The following KLF3 variants were observed in gnomAD, a reference collection of about 807,000 sequenced individuals.
The protein encoded by KLF3 is KLF transcription factor 3, also known as Krueppel-like factor 3.
A neutral mutation model predicts 32.7 loss-of-function variants in KLF3; 6 were observed. The observed-to-expected ratio is 0.18, with a 90% CI of 0.10 to 0.36. The LOEUF (loss-of-function observed/expected upper bound fraction) is 0.36, where lower values mean the gene tolerates loss of function less well. KLF3 is among the 10% of genes least tolerant of loss of function. KLF3 has a pLI of 1.00. For missense variants in KLF3, 338 were observed against 449.7 expected (o/e 0.75, Z 2.25); for synonymous variants, 145 against 172.8 (o/e 0.84, Z 1.26).
Position 38,680,642 on chromosome 4 carries a change from C to G in KLF3, c.17C>G (p.Pro6Arg). 6.2e-7 allele frequency: 1 copy of G among 1,613,682 alleles called. No homozygotes were observed. Among genetic ancestry groups the G allele is most frequent in the Non-Finnish European group, 8.5e-7 (1 of 1,179,618 alleles). Residue 6 changes from proline (P) to arginine (R), a missense_variant, in exon 2 of 6, where the codon CCA (proline) becomes CGA (arginine). By Grantham distance (103) the Pro-to-Arg change is moderately radical (BLOSUM62 -2). Transcript: ENST00000261438. ...ACTAAAAGAATGCTCATGTTTGACC[C>G]AGTTCCTGTCAAGCAAGAGGCCATG... MLMFD[P>R]VPVKQEAMDP... is the part of the protein sequence containing the mutation.
At chr4:38,694,536 A>G (rs910874822) in intron 4 of KLF3, among the ~76,000 whole-genome samples, 2 of 152,216 alleles carry the variant, frequency 1.3e-5, no homozygotes, top group African/African-American at 4.8e-5. Context: ...GGTGCCAAGC[A>G]CAGTGCCTGG....
At chr4:38,681,769 T>C (rs1223473467) in intron 2 of KLF3, among the ~76,000 whole-genome samples, 1 of 152,116 alleles carries the variant, frequency 6.6e-6, no homozygotes, top group Non-Finnish European at 1.5e-5. Flanking sequence ...TGGCCCGAGG[T>C]GTGTATCTGA....
rs1340042228 is a variant in KLF3, at chr4:38,698,250, C to T, written c.*987C>T. ...TGCCCAGTAATGGTAAGAAATCTTTCGGGTAAGAGTATGGATGGTTCTTCT... is the reference window on the plus strand; with the variant it reads ...TGCCCAGTAATGGTAAGAAATCTTTTGGGTAAGAGTATGGATGGTTCTTCT... On this transcript the variant is annotated 3_prime_UTR_variant, in exon 6 of 6. Coordinates refer to ENST00000261438, the MANE Select transcript of KLF3 (RefSeq NM_016531.6). 1 of 152,426 alleles carries T rather than the reference C, an allele frequency of 6.6e-6. No individual in the cohort carries two copies. Among genetic ancestry groups the T allele is most frequent in the South Asian group, 2.1e-4 (1 of 4,832 alleles). The allele number at this position is 152,426 out of a possible 1,614,324, so 9.4% of individuals were successfully genotyped here. A position where few individuals can be genotyped will look rare whatever the true frequency, so the allele number is the denominator to read the frequency against.
At chr4:38,690,099 G>T in intron 4 of KLF3, 1 of 416,412 alleles carries the variant, frequency 2.4e-6, no homozygotes. Flanking sequence ...GTTACATCAA[G>T]TTTTCATGGA....
intron 4 of KLF3, among the ~76,000 whole-genome samples, chr4:38,693,352 A>T (rs1325149890): frequency 3.1e-5 from 4 of 127,116 alleles, no homozygotes; most frequent in Admixed American, 7.6e-5. Context: ...GTTTTTTTTA[A>T]AAAAAAAAAG....
intron 1 of KLF3, among the ~76,000 whole-genome samples, chr4:38,666,035 T>C (rs1240985673): frequency 6.6e-6 from 1 of 152,236 alleles, no homozygotes; most frequent in Non-Finnish European, 1.5e-5. Flanking sequence ...TGAAATTAGA[T>C]GTTCGATTAA....
intron 1 of KLF3, among the ~76,000 whole-genome samples, chr4:38,666,621 A>C (rs1481425929): frequency 6.6e-6 from 1 of 152,248 alleles, no homozygotes; most frequent in Non-Finnish European, 1.5e-5. Context: ...TTTTAGATAA[A>C]TGTCAGGAAC....
intron 5 of KLF3, among the ~76,000 whole-genome samples, chr4:38,696,666 T>G (rs1268749054): frequency 6.6e-6 from 1 of 152,216 alleles, no homozygotes; most frequent in East Asian, 1.9e-4. Flanking sequence ...GGAAAACTAT[T>G]GAAAAGTTTA....
intron 2 of KLF3, among the ~76,000 whole-genome samples, chr4:38,686,038 A>G (rs1722685628): frequency 6.6e-6 from 1 of 152,190 alleles, no homozygotes; most frequent in South Asian, 2.1e-4. Flanking sequence ...CTTTAAAGAA[A>G]GGTAGAGAAT....
At position 38,700,822 on chromosome 4, in the gene KLF3, A is replaced by G. The variant is rs1318437872; in HGVS notation, c.*3559A>G. ...GTAAAGGTTTTTAGCATGCATTAGT[A>G]TACTTGCAGATACTGAAACATTTTG... On this transcript the variant is annotated 3_prime_UTR_variant, in exon 6 of 6. Coordinates refer to ENST00000261438, the MANE Select transcript of KLF3 (RefSeq NM_016531.6). The G allele has an allele frequency of 3.9e-5, 6 of 152,356 alleles. No homozygotes were observed. The East Asian group carries it at 9.6e-4, about 24-fold the overall frequency. The allele number at this position is 152,356 out of a possible 1,614,324, so 9.4% of individuals were successfully genotyped here. A position where few individuals can be genotyped will look rare whatever the true frequency, so the allele number is the denominator to read the frequency against.
intron 2 of KLF3, among the ~76,000 whole-genome samples, chr4:38,687,433 G>T (rs953241484): frequency 6.6e-6 from 1 of 152,258 alleles, no homozygotes; most frequent in East Asian, 1.9e-4. Flanking sequence ...TGCCCATTGT[G>T]TGAAATTATG....
chr4:38,686,363 A>G (rs1212391930), intron 2 of KLF3, among the ~76,000 whole-genome samples: 1 of 148,886 alleles, frequency 6.7e-6, no homozygotes, highest in African/African-American at 2.5e-5. Context: ...GGAGAATCAT[A>G]TGAGCCCAGG....
intron 4 of KLF3, among the ~76,000 whole-genome samples, chr4:38,693,782 C>T (rs541473122): frequency 6.6e-6 from 1 of 152,302 alleles, no homozygotes; most frequent in Admixed American, 6.5e-5. Flanking sequence ...ATTATAATTA[C>T]TTACATTAAT....
intron 2 of KLF3, among the ~76,000 whole-genome samples, chr4:38,682,073 T>C (rs1256148396): frequency 6.6e-6 from 1 of 152,220 alleles, no homozygotes; most frequent in Admixed American, 6.5e-5. Context: ...CTAAATTACT[T>C]TTTGAGATGG....
intron 5 of KLF3, among the ~76,000 whole-genome samples, chr4:38,695,625 T>G (rs1723026399): frequency 6.6e-6 from 1 of 152,146 alleles, no homozygotes; most frequent in African/African-American, 2.4e-5. Context: ...TGGTCCCAGC[T>G]CCTTGGGAGG....
Position 38,671,523 on chromosome 4 carries a change from C to T in KLF3, c.-40+7062C>T, listed in dbSNP as rs562077752. 8.5e-5 allele frequency among the ~76,000 whole-genome samples: 13 copies of T among 152,246 alleles called. No individual in the cohort carries two copies. The highest frequency in any genetic ancestry group is 4.6e-4 in the Admixed American group (7 of 15,298). On this transcript the variant is annotated intron_variant, in intron 1 of 5. Transcript: ENST00000261438. The surrounding 1 kb of genome is among the most constrained non-coding windows in gnomAD (Gnocchi z 4.4). The stretch of plus-strand genomic sequence containing the variant: ...GACTGTCCCCACGTTCTGTCTTCTC[C>T]GGGGACCAACCTGTTCACAGAAATC...
chr4:38,665,989 G>A (rs1722025070), intron 1 of KLF3, among the ~76,000 whole-genome samples: 1 of 152,148 alleles, frequency 6.6e-6, no homozygotes, highest in Non-Finnish European at 1.5e-5. Flanking sequence ...TTTGAAAAGA[G>A]GTATGTTAGT....
rs1560419163 is a variant in KLF3 at position 38,689,780 on chromosome 4, T to C, written c.596T>C (p.Ile199Thr). The change falls in exon 4 of 6, where the codon ATA becomes ACA. Residue 199 changes from isoleucine to threonine, a missense_variant. By Grantham distance (89) the Ile-to-Thr change is moderately conservative. Around this residue, in one of 2 missense-constraint regions of KLF3, gnomAD observed 272 missense variants for 313.4 expected, o/e 0.87. Transcript: ENST00000261438. ...EKPISQKKIK[I>T]EPGIEPQRTD... ...CCTATATCACAGAAAAAAATTAAAA[T>C]AGAACCTGGGATCGAACCACAGAGG... The C allele has an allele frequency of 6.2e-7, 1 of 1,610,434 alleles. No homozygotes were observed. Among genetic ancestry groups the C allele is most frequent in the East Asian group, 2.2e-5 (1 of 44,866 alleles).
chr4:38,688,550 G>C lies in KLF3; in HGVS notation c.58-35G>C. ...ATGTTTCAAGTAAATGGACTTATTT[G>C]GCTGTTGACACGTTTTCCTTTTCTT... is the stretch of plus-strand genomic sequence containing the variant. On this transcript the variant is annotated intron_variant, in intron 2 of 5. Coordinates refer to ENST00000261438, the MANE Select transcript of KLF3 (RefSeq NM_016531.6). This position sits in a 1 kb window ranked among gnomAD's most constrained non-coding sequence, Gnocchi z 4.9. The C allele has an allele frequency of 4.6e-6, 7 of 1,537,334 alleles. No homozygotes were observed. The highest frequency in any genetic ancestry group is 6.1e-6 in the Non-Finnish European group (7 of 1,140,392).
Sources: gnomAD v4.1 joint callset for allele counts (sites outside exome capture counted in the v4.1 genomes callset) on GRCh38, gnomAD v4.1.1 for gene constraint, gnomAD v4.1.1 regional missense constraint, Gnocchi (gnomAD v3.1) non-coding constraint, MANE v1.5 for transcripts, NCBI Gene and HGNC (gene_info 2026-07-23, HGNC 2026-07-21) for gene names.